The following CADPS2 variants were observed in gnomAD, a reference collection of about 807,000 sequenced individuals.
The protein encoded by CADPS2 is calcium dependent secretion activator 2.
A neutral mutation model predicts 172.5 loss-of-function variants in CADPS2; 93 were observed. The observed-to-expected ratio is 0.54, with a 90% CI of 0.46 to 0.64. The LOEUF is 0.64. CADPS2 is among the 30% of genes least tolerant of loss of function. The pLI is 0.00. For missense variants in CADPS2, 1,420 were observed against 1,565.9 expected, an observed-to-expected ratio of 0.91 and a Z score of 1.57; for synonymous variants, 546 against 555.2, an observed-to-expected ratio of 0.98 and a Z score of 0.23.
intron 29 of CADPS2, among the ~76,000 whole-genome samples, chr7:122,324,239 A>C (rs2033334980): frequency 6.6e-6 from 1 of 152,060 alleles, no homozygotes; most frequent in Non-Finnish European, 1.5e-5. Flanking sequence ...TTTCCAGTAG[A>C]TTTGCCAATT....
At chr7:122,727,563 T>C (rs1429284803) in intron 2 of CADPS2, among the ~76,000 whole-genome samples, 1 of 151,714 alleles carries the variant, frequency 6.6e-6, no homozygotes, top group East Asian at 2.0e-4. Context: ...CATGAAAAAT[T>C]GACACTCTCA....
intron 7 of CADPS2, among the ~76,000 whole-genome samples, chr7:122,557,437 C>T (rs1371656442): frequency 1.3e-5 from 2 of 152,084 alleles, no homozygotes; most frequent in Non-Finnish European, 2.9e-5. Context: ...ACAATTACTG[C>T]CATGCGTTTC....
chr7:122,578,404 T>A (rs553393253), intron 7 of CADPS2, among the ~76,000 whole-genome samples: 2 of 152,218 alleles, frequency 1.3e-5, no homozygotes, highest in African/African-American at 4.8e-5. Context: ...AAGGAAAGAA[T>A]GACAGTAGGC....
chr7:122,491,256 T>C, intron 10 of CADPS2, 56 bp downstream of exon 10: 1 of 1,130,174 alleles, frequency 8.8e-7, no homozygotes, highest in Non-Finnish European at 1.3e-6. Context: ...AAAGGATATT[T>C]ATAAGAATTC....
At chr7:122,440,229 C>G (rs1038788008) in intron 16 of CADPS2, 21 of 152,202 alleles carry the variant, frequency 1.4e-4, no homozygotes, top group Middle Eastern at 3.4e-3. Flanking sequence ...CAATGGAGGG[C>G]AGGAGGGCAT....
chr7:122,607,284 C>G (rs1258316888), intron 6 of CADPS2, among the ~76,000 whole-genome samples: 3 of 151,956 alleles, frequency 2.0e-5, no homozygotes, highest in African/African-American at 7.3e-5. Flanking sequence ...ATTTAATACC[C>G]AAAATAACCA....
intron 8 of CADPS2, among the ~76,000 whole-genome samples, chr7:122,535,000 C>T (rs73433735): frequency 0.028 from 4,251 of 152,118 alleles, 75 homozygotes; most frequent in South Asian, 0.054. Context: ...GAAAGCTGAG[C>T]ATTTAAAAAT....
chr7:122,783,088 C>T lies in CADPS2; in HGVS notation c.340-46020G>A, dbSNP rs186696220. ...TTAGCCGGGCGTGGTGGTGGGCGGG[C>T]GCCTGTGGTCCCAGCTACTCGGGAG... On this transcript the variant is annotated intron_variant, in intron 1 of 29. Coordinates refer to ENST00000449022, the MANE Select transcript of CADPS2 (RefSeq NM_017954.11). Among the ~76,000 whole-genome samples, 1,027 of 151,272 alleles carry T rather than the reference C, an allele frequency of 6.8e-3. 7 individuals are homozygous for T. Among genetic ancestry groups the T allele is most frequent in the African/African-American group, 0.024 (984 of 41,284 alleles).
intron 10 of CADPS2, 113 bp from the exon 11 acceptor site, chr7:122,490,394 T>C: frequency 1.3e-6 from 1 of 744,902 alleles, no homozygotes; most frequent in South Asian, 1.8e-5. Flanking sequence ...CAGTTAAATG[T>C]TTTAAAGAAT....
At chr7:122,816,480 T>C (rs1426328663) in intron 1 of CADPS2, among the ~76,000 whole-genome samples, 2 of 152,242 alleles carry the variant, frequency 1.3e-5, no homozygotes, top group Admixed American at 6.5e-5. Context: ...CTATTGTGAA[T>C]AGTGCTGCAA....
chr7:122,823,400 T>G (rs1167479879), intron 1 of CADPS2, among the ~76,000 whole-genome samples: 1 of 152,136 alleles, frequency 6.6e-6, no homozygotes, highest in Non-Finnish European at 1.5e-5. Context: ...TAAGTGAATC[T>G]CTCTCCTGCT....
rs202200728 is a variant in CADPS2, at chr7:122,702,077, C to T, written c.453+34878G>A. The stretch of plus-strand genomic sequence containing the variant: ...CTTCACATCTGTCTTTATTTGACTT[C>T]GCCTCCTGGTGAAAGAATTGGGCAC... On this transcript the variant is annotated intron_variant, in intron 2 of 29. Coordinates refer to ENST00000449022, the MANE Select transcript of CADPS2 (RefSeq NM_017954.11). 635 of 1,613,406 alleles carry T rather than the reference C, an allele frequency of 3.9e-4. 2 individuals carry two copies. The highest frequency in any genetic ancestry group is 8.2e-4 in the Middle Eastern group (5 of 6,082).
intron 2 of CADPS2, among the ~76,000 whole-genome samples, chr7:122,725,427 G>A (rs1446291274): frequency 6.6e-6 from 1 of 151,802 alleles, no homozygotes; most frequent in East Asian, 1.9e-4. Context: ...TGATTTAGGG[G>A]GTATAAGTGT....
chr7:122,451,518 T>G, intron 14 of CADPS2, 43 bp from the exon 15 acceptor site: 1 of 1,116,958 alleles, frequency 9.0e-7, no homozygotes, highest in Non-Finnish European at 1.3e-6. Context: ...TGATCGAACA[T>G]TTACTTTTAT....
At chr7:122,624,884 T>C (rs375081598) in intron 4 of CADPS2, among the ~76,000 whole-genome samples, 3 of 152,142 alleles carry the variant, frequency 2.0e-5, no homozygotes, top group African/African-American at 7.2e-5. Flanking sequence ...AAGGAAATAA[T>C]TTCTTCTGAT....
At chr7:122,756,054 G>C (rs1258811726) in intron 1 of CADPS2, among the ~76,000 whole-genome samples, 1 of 152,180 alleles carries the variant, frequency 6.6e-6, no homozygotes, top group East Asian at 1.9e-4. Flanking sequence ...ATACAGAAAA[G>C]AGTTTAGGTT....
At chr7:122,596,744 G>C (rs756422149) in intron 6 of CADPS2, among the ~76,000 whole-genome samples, 3 of 152,034 alleles carry the variant, frequency 2.0e-5, no homozygotes, top group South Asian at 2.1e-4. Flanking sequence ...ACAGACTTTC[G>C]AATCTAAGAG....
At chr7:122,595,989 A>C (rs115922847) in intron 6 of CADPS2, among the ~76,000 whole-genome samples, 2,227 of 152,158 alleles carry the variant, frequency 0.015, 50 homozygotes, top group African/African-American at 0.048. Context: ...GGTCCACTGT[A>C]CAGAAGTGAC....
chr7:122,750,268 T>A (rs907612206), intron 1 of CADPS2, among the ~76,000 whole-genome samples: 1 of 152,136 alleles, frequency 6.6e-6, no homozygotes, highest in Non-Finnish European at 1.5e-5. Flanking sequence ...AAACAATATG[T>A]CATTTTTGTG....
Sources: gnomAD v4.1 joint callset for allele counts (sites outside exome capture counted in the v4.1 genomes callset) on GRCh38, gnomAD v4.1.1 for gene constraint, MANE v1.5 for transcripts, NCBI Gene and HGNC (gene_info 2026-07-23, HGNC 2026-07-21) for gene names.